Variants in RPL27A observed in about 807,000 individuals in gnomAD.
RPL27A encodes large ribosomal subunit protein uL15.
For synonymous variants in RPL27A, 69 were observed against 68.3 expected, an observed-to-expected ratio of 1.01 and a Z score of -0.05; for missense variants, 118 against 189.4, an observed-to-expected ratio of 0.62 and a Z score of 2.21.
intron 2 of RPL27A, chr11:8,683,710 C>T (rs34010112): frequency 0.018 from 8,771 of 495,990 alleles, 117 homozygotes; most frequent in Non-Finnish European, 0.026. Flanking sequence ...TGAGACTGAT[C>T]ACTGTCGCCC....
At chr11:8,683,614 G>A in intron 2 of RPL27A, 1 of 493,326 alleles carries the variant, frequency 2.0e-6, no homozygotes, top group South Asian at 2.2e-5. Context: ...GGACACAGAA[G>A]TCTGGGAAAC....
chr11:8,685,643 C>T (rs1397294991), intron 4 of RPL27A, 35 bp from the exon 5 acceptor site: 1 of 1,612,360 alleles, frequency 6.2e-7, no homozygotes, highest in South Asian at 1.1e-5. Context: ...GTACCTACTA[C>T]AGTGTATTGT....
At chr11:8,683,286 G>A in intron 2 of RPL27A, 21 bp downstream of exon 2, 2 of 1,612,530 alleles carry the variant, frequency 1.2e-6, no homozygotes, top group Non-Finnish European at 1.7e-6. Flanking sequence ...GCTTCCCCTC[G>A]GGGTGGGCCT....
rs1298532997 is a variant in RPL27A at position 8,686,197 on chromosome 11, G to A, written c.*391G>A. Reference sequence around the variant, plus strand: ...TGATAGGAATGAGATGGTCCTTTAGGACTTAAGTTCTCAGCCCAAGGTTTT... The same window carrying A: ...TGATAGGAATGAGATGGTCCTTTAGAACTTAAGTTCTCAGCCCAAGGTTTT... On this transcript the variant is annotated 3_prime_UTR_variant, in exon 5 of 5. Transcript: ENST00000314138. The A allele has an allele frequency of 6.2e-6, 1 of 161,666 alleles. No homozygotes were observed. The highest frequency in any genetic ancestry group is 1.4e-5 in the Non-Finnish European group (1 of 73,622). The allele number at this position is 161,666 out of a possible 1,614,324, so 10.0% of individuals were successfully genotyped here. A position where few individuals can be genotyped will look rare whatever the true frequency, so the allele number is the denominator to read the frequency against.
intron 4 of RPL27A, 120 bp downstream of exon 4, chr11:8,685,012 T>A: frequency 2.0e-6 from 2 of 992,224 alleles, no homozygotes; most frequent in Non-Finnish European, 3.2e-6. Context: ...ATATTCTTCC[T>A]GTGGTAGAAT....
intron 3 of RPL27A, 71 bp from the exon 4 acceptor site, chr11:8,684,647 G>A: frequency 1.5e-6 from 2 of 1,319,276 alleles, no homozygotes; most frequent in Non-Finnish European, 2.2e-6. Context: ...ATAGGGGGTG[G>A]TAACTATAAA....
chr11:8,685,521 C>T (rs764702838), intron 4 of RPL27A, 157 bp from the exon 5 acceptor site: 1 of 797,050 alleles, frequency 1.3e-6, no homozygotes, highest in Non-Finnish European at 2.2e-6. Context: ...TCTTGATTCA[C>T]TGGTGGGGGC....
At position 8,683,275 on chromosome 11, in the gene RPL27A, G is replaced by C; in HGVS notation, c.67+10G>C. 1.2e-6 allele frequency: 2 copies of C among 1,613,862 alleles called. No individual in the cohort carries two copies. Among genetic ancestry groups the C allele is most frequent in the Non-Finnish European group, 8.5e-7 (1 of 1,179,676 alleles). On this transcript the variant is annotated intron_variant, in intron 2 of 4. Transcript: ENST00000314138. ...GGCCACGGCCGCATAGGTAAGTGCC[G>C]GCTTCCCCTCGGGGTGGGCCTTGGG... is the stretch of plus-strand genomic sequence containing the variant.
chr11:8,683,977 CG>C, intron 2 of RPL27A, 28 bp from the exon 3 acceptor site: 1 of 1,595,942 alleles, frequency 6.3e-7, no homozygotes. Flanking sequence ...GCCATCACAC[CG>C]GCCCCACGTA....
At chr11:8,683,844 A>C in intron 2 of RPL27A, 162 bp from the exon 3 acceptor site, 1 of 667,878 alleles carries the variant, frequency 1.5e-6, no homozygotes, top group East Asian at 2.7e-5. Flanking sequence ...CGCCCGGCTA[A>C]TTCTTTTTCT....
At chr11:8,684,556 G>A (rs931907484) in intron 3 of RPL27A, 162 bp from the exon 4 acceptor site, 3 of 687,504 alleles carry the variant, frequency 4.4e-6, no homozygotes, top group Middle Eastern at 2.7e-4. Context: ...AGTCTTTGGT[G>A]GTTTTTAAAA....
In RPL27A at chr11:8,682,801, C is replaced by A; in HGVS notation, c.-13C>A. On this transcript the variant is annotated 5_prime_UTR_variant, in exon 1 of 5. It adds an upstream start codon to the 5' untranslated region. Transcript: ENST00000314138. ...CTTGGCGAAGGCCTTCCTTTTTCGT[C>A]TGGGCTGCCAACATGGTAGGTGTTT... is the stretch of plus-strand genomic sequence containing the variant. 1.2e-6 allele frequency: 2 copies of A among 1,613,402 alleles called. No homozygotes were observed. Among genetic ancestry groups the A allele is most frequent in the Admixed American group, 1.7e-5 (1 of 59,952 alleles).
rs2039587839 is a variant in RPL27A at position 8,686,493 on chromosome 11, AG to A, written c.*688del. Reference sequence around the variant, plus strand: ...TGATCTGCCCACATCGGCCTCCAAAAGTTCTGGGATTATAGTGTGAGCCACT... The same window carrying A: ...TGATCTGCCCACATCGGCCTCCAAAATTCTGGGATTATAGTGTGAGCCACT... On this transcript the variant is annotated 3_prime_UTR_variant, in exon 5 of 5. Transcript: ENST00000314138. 6.6e-6 allele frequency: 1 copy of A among 152,264 alleles called. No individual in the cohort carries two copies. Among genetic ancestry groups the A allele is most frequent in the South Asian group, 2.1e-4 (1 of 4,822 alleles). 9.4% of individuals were successfully genotyped at this position (152,264 alleles called of 1,614,324 possible). A position where few individuals can be genotyped will look rare whatever the true frequency, so the allele number is the denominator to read the frequency against.
rs10769941 is a variant in RPL27A, at chr11:8,688,697, G to T, written c.*2891G>T. On this transcript the variant is annotated 3_prime_UTR_variant, in exon 5 of 5. Coordinates refer to ENST00000314138, the MANE Select transcript of RPL27A (RefSeq NM_000990.5). ...GTGCAACTTGATTTTATGACAAATG[G>T]CTGCCACATAATTTGCACAAGCAGT... The T allele has an allele frequency of 0.65, 98,957 of 152,176 alleles. 32,222 individuals are homozygous for T. The highest frequency in any genetic ancestry group is 0.74 in the Middle Eastern group (217 of 294). The allele number at this position is 152,176 out of a possible 1,614,324, so 9.4% of individuals were successfully genotyped here. A position where few individuals can be genotyped will look rare whatever the true frequency, so the allele number is the denominator to read the frequency against.
Position 8,685,775 on chromosome 11 carries a change from G to C in RPL27A, c.416G>C (p.Ser139Thr). 1 of 1,614,002 alleles carries C rather than the reference G, an allele frequency of 6.2e-7. No individual in the cohort carries two copies. Among genetic ancestry groups the C allele is most frequent in the Non-Finnish European group, 8.5e-7 (1 of 1,179,910 alleles). ...FSRRAEEKIK[S>T]VGGACVLVA ...AGAAGAGCTGAGGAGAAGATTAAGA[G>C]TGTTGGGGGGGCCTGTGTCCTGGTG... The change falls in exon 5 of 5, where the codon AGT (serine) becomes ACT (threonine). Residue 139 changes from serine to threonine, a missense_variant. Transcript: ENST00000314138.
At position 8,689,680 on chromosome 11, in the gene RPL27A, C is replaced by T. The variant is rs541019206; in HGVS notation, c.*3874C>T. ...TCTAGAAACGTATTTTGTGTAGCTC[C>T]CCTAGCAAGAATATAGGTTAAAGCG... is the stretch of plus-strand genomic sequence containing the variant. On this transcript the variant is annotated 3_prime_UTR_variant, in exon 5 of 5. Coordinates refer to ENST00000314138, the MANE Select transcript of RPL27A (RefSeq NM_000990.5). The T allele has an allele frequency of 2.0e-5, 3 of 152,246 alleles. No individual in the cohort carries two copies. In the East Asian group the frequency reaches 5.8e-4, roughly 29 times the overall value. The allele number at this position is 152,246 out of a possible 1,614,324, so 9.4% of individuals were successfully genotyped here.
At chr11:8,685,079 C>T in intron 4 of RPL27A, 187 bp downstream of exon 4, 1 of 646,112 alleles carries the variant, frequency 1.5e-6, no homozygotes, top group Admixed American at 2.7e-5. Flanking sequence ...CAGGTTGTAT[C>T]AGGTTTGCAT....
rs959959769 is a variant in RPL27A, at chr11:8,688,756, C to A, written c.*2950C>A. The A allele has an allele frequency of 6.6e-6, 1 of 152,246 alleles. No homozygotes were observed. The highest frequency in any genetic ancestry group is 2.1e-4 in the South Asian group (1 of 4,834). The allele number at this position is 152,246 out of a possible 1,614,324, so 9.4% of individuals were successfully genotyped here. A position where few individuals can be genotyped will look rare whatever the true frequency, so the allele number is the denominator to read the frequency against. ...AGGGCAGCTAAATCAGGCGAGCTTT[C>A]AATCAAAATAAATGTACTACTAAAC... On this transcript the variant is annotated 3_prime_UTR_variant, in exon 5 of 5. Coordinates refer to ENST00000314138, the MANE Select transcript of RPL27A (RefSeq NM_000990.5).
chr11:8,684,892 G>A lies in RPL27A; in HGVS notation c.318G>A (p.Ser106=), dbSNP rs148192701. ...CTCCCATCATTGATGTGGTGCGATC[G>A]GTAAGTTAATTGGATGTTTTTCTGT... The part of the protein sequence containing the change: ...GAAPIIDVVR[S]GYYKVLGKGK... Residue 106 remains serine (S), a splice_region_variant and synonymous_variant, in exon 4 of 5, where the codon TCG becomes TCA. Coordinates refer to ENST00000314138, the MANE Select transcript of RPL27A (RefSeq NM_000990.5). The A allele has an allele frequency of 1.8e-5, 29 of 1,614,056 alleles. No homozygotes were observed. The Admixed American group carries it at 2.3e-4, about 13-fold the overall frequency.
Sources: allele counts gnomAD v4.1 joint callset, GRCh38; gene constraint gnomAD v4.1.1; transcripts MANE v1.5; gene names NCBI Gene and HGNC (gene_info 2026-07-23, HGNC 2026-07-21).